Variants in EYA3 observed in about 807,000 individuals in gnomAD.
The protein encoded by EYA3 is EYA transcriptional coactivator and phosphatase 3.
A neutral mutation model predicts 80.0 loss-of-function variants in EYA3; 39 were observed. The ratio of observed to expected loss-of-function variants is 0.49; its 90% CI spans 0.38 to 0.64. The LOEUF (loss-of-function observed/expected upper bound fraction) is 0.64, where lower values mean the gene tolerates loss of function less well. Among genes scored for constraint, EYA3 ranks in the 30% least tolerant of loss-of-function variants. The pLI is 0.00. For synonymous variants in EYA3, 206 were observed against 232.8 expected (o/e 0.88, Z 1.05); for missense variants, 523 against 676.1 (o/e 0.77, Z 2.51).
intron 10 of EYA3, among the ~76,000 whole-genome samples, chr1:28,006,934 C>CTTTTTTTTTTTTT (rs58401673): frequency 1.1e-5 from 1 of 91,998 alleles, no homozygotes. Flanking sequence ...ATGACATAAT[C>CTTTTTTTTTTTTT]TTTTTTTTTT....
intron 8 of EYA3, among the ~76,000 whole-genome samples, chr1:28,016,252 G>A (rs1189050703): frequency 1.3e-5 from 2 of 152,170 alleles, no homozygotes; most frequent in African/African-American, 4.8e-5. Context: ...ACAAGGCTGG[G>A]CGCGGTGGCT....
intron 1 of EYA3, among the ~76,000 whole-genome samples, chr1:28,081,509 T>C (rs1645427553): frequency 1.3e-5 from 2 of 152,200 alleles, no homozygotes; most frequent in South Asian, 2.1e-4. Context: ...TTAGGTACTA[T>C]TTTTTATCCT....
intron 2 of EYA3, among the ~76,000 whole-genome samples, chr1:28,056,758 C>T (rs1432280350): frequency 6.6e-6 from 1 of 152,154 alleles, no homozygotes; most frequent in African/African-American, 2.4e-5. Flanking sequence ...ATTCTCATTA[C>T]CTTAAATAGG....
chr1:28,084,574 TATATATATATATATATATATA>T (rs1450342464), intron 1 of EYA3, among the ~76,000 whole-genome samples: 25 of 12,402 alleles, frequency 2.0e-3, no homozygotes, highest in African/African-American at 7.1e-3. Context: ...TATATATATA[TATATATATATATATATATATA>T]TTTTTTTTTT....
At chr1:28,044,410 A>C (rs1643927200) in intron 3 of EYA3, among the ~76,000 whole-genome samples, 1 of 152,230 alleles carries the variant, frequency 6.6e-6, no homozygotes, top group African/African-American at 2.4e-5. Context: ...TTACATTTAG[A>C]GCAAAGCTAG....
intron 16 of EYA3, among the ~76,000 whole-genome samples, chr1:27,987,288 G>T (rs912478422): frequency 6.6e-6 from 1 of 152,172 alleles, no homozygotes; most frequent in South Asian, 2.1e-4. Flanking sequence ...GCCTGTGACA[G>T]AATTTCCTTC....
At chr1:28,084,073 T>C (rs1332083975) in intron 1 of EYA3, among the ~76,000 whole-genome samples, 1 of 152,222 alleles carries the variant, frequency 6.6e-6, no homozygotes, top group African/African-American at 2.4e-5. Flanking sequence ...AAGCACTGAC[T>C]GCCTTGGGCT....
chr1:28,015,530 A>G (rs1040140995), intron 8 of EYA3, among the ~76,000 whole-genome samples: 4 of 152,204 alleles, frequency 2.6e-5, no homozygotes, highest in African/African-American at 9.6e-5. Flanking sequence ...CTCTGTCTCA[A>G]AAAACAAACA....
At chr1:28,061,146 C>CG (rs1644608427) in intron 1 of EYA3, among the ~76,000 whole-genome samples, 2 of 152,176 alleles carry the variant, frequency 1.3e-5, no homozygotes, top group African/African-American at 4.8e-5. Flanking sequence ...CAAAATCCCC[C>CG]GGGATTCTAC....
At chr1:28,055,129 G>A (rs1018513565) in intron 2 of EYA3, among the ~76,000 whole-genome samples, 4 of 152,064 alleles carry the variant, frequency 2.6e-5, no homozygotes, top group African/African-American at 4.8e-5. Flanking sequence ...AGTATATGAC[G>A]GAAAGCTGGA....
At chr1:28,061,287 T>C (rs1474923590) in intron 1 of EYA3, among the ~76,000 whole-genome samples, 1 of 152,170 alleles carries the variant, frequency 6.6e-6, no homozygotes, top group African/African-American at 2.4e-5. Context: ...ATCAATACAG[T>C]ATTCTCCTGC....
intron 1 of EYA3, among the ~76,000 whole-genome samples, chr1:28,078,852 T>C (rs1011776815): frequency 3.3e-5 from 5 of 152,230 alleles, no homozygotes; most frequent in Admixed American, 6.5e-5. Context: ...AACCTGGTAT[T>C]CGAGCCCAGG....
intron 12 of EYA3, among the ~76,000 whole-genome samples, 156 bp downstream of exon 12, chr1:27,999,804 T>C (rs1378473097): frequency 6.6e-6 from 1 of 152,204 alleles, no homozygotes; most frequent in Non-Finnish European, 1.5e-5. Context: ...ACAAGTACTA[T>C]TTCTCTAAGA....
At chr1:28,055,536 TCTCGGCTCA>T (rs1248265465) in intron 2 of EYA3, among the ~76,000 whole-genome samples, 1 of 142,052 alleles carries the variant, frequency 7.0e-6, no homozygotes, top group East Asian at 2.3e-4. Flanking sequence ...ACTGGCACAA[TCTCGGCTCA>T]CTGCAACCTC....
At chr1:28,022,217 C>T (rs937420384) in intron 7 of EYA3, among the ~76,000 whole-genome samples, 6 of 152,190 alleles carry the variant, frequency 3.9e-5, no homozygotes, top group Admixed American at 1.3e-4. Flanking sequence ...GGCGCGATCT[C>T]GACTCACTGC....
intron 12 of EYA3, 108 bp from the exon 13 acceptor site, chr1:27,997,486 T>A: frequency 1.0e-6 from 1 of 972,356 alleles, no homozygotes; most frequent in Non-Finnish European, 1.6e-6. Flanking sequence ...TGAAATGCCT[T>A]ATGGAATCTC....
intron 6 of EYA3, 21 bp downstream of exon 6, chr1:28,035,523 G>A: frequency 1.2e-6 from 2 of 1,602,334 alleles, no homozygotes; most frequent in Non-Finnish European, 1.7e-6. Context: ...CTTAGAAATT[G>A]TTTACAATAC....
In EYA3 at chr1:28,058,091, C is replaced by A. The variant is rs1644494643; in HGVS notation, c.-65G>T. 5 of 1,365,060 alleles carry A rather than the reference C, an allele frequency of 3.7e-6. No individual in the cohort carries two copies. The African/African-American group carries it at 4.3e-5, about 12-fold the overall frequency. The allele number at this position is 1,365,060 out of a possible 1,614,324, so 84.6% of individuals were successfully genotyped here. On this transcript the variant is annotated 5_prime_UTR_variant, in exon 2 of 18. Transcript: ENST00000373871. The stretch of plus-strand genomic sequence containing the variant: ...TGCAAGTCTCTCTCAGCAGTTTTCA[C>A]AATCTGTTTTTAAAAAGGAGGATTC...
intron 13 of EYA3, 98 bp downstream of exon 13, chr1:27,997,222 A>G: frequency 9.0e-7 from 1 of 1,109,340 alleles, no homozygotes; most frequent in Non-Finnish European, 1.4e-6. Context: ...GCTCTTTCAG[A>G]GATATATTCT....
Sources: allele counts gnomAD v4.1 joint callset (sites outside exome capture counted in the v4.1 genomes callset), GRCh38; gene constraint gnomAD v4.1.1; transcripts MANE v1.5; gene names NCBI Gene and HGNC (gene_info 2026-07-23, HGNC 2026-07-21).